The following TTN variants were observed in gnomAD, a reference collection of about 807,000 sequenced individuals.
TTN encodes the protein connectin.
A neutral mutation model predicts 3,223.0 loss-of-function variants in TTN; 1,525 were observed. That is an observed-to-expected ratio of 0.47 (90% confidence interval 0.45 to 0.49). The LOEUF (loss-of-function observed/expected upper bound fraction) is 0.49. TTN is among the 20% of genes least tolerant of loss of function. The pLI is 0.00. For missense variants in TTN, 40,786 were observed against 43,424.0 expected (o/e 0.94, Z 5.40); for synonymous variants, 14,094 against 15,161.0 (o/e 0.93, Z 5.17).
At position 178,571,721 on chromosome 2, in the gene TTN, A is replaced by G; in HGVS notation, c.74411T>C (p.Ile24804Thr). ...TGGAGGCCCTGGTTTGTCAAGAACG[A>G]TAACATTAAGGGTTTCAATAGCTTC... ...AGEAIETLNV[I>T]VLDKPGPPTG... Residue 24804 changes from isoleucine (I) to threonine (T), a missense_variant, in exon 326 of 363, where the codon ATC (isoleucine) becomes ACC (threonine). Coordinates refer to ENST00000589042, the MANE Select transcript of TTN (RefSeq NM_001267550.2). 1.2e-6 allele frequency: 2 copies of G among 1,613,530 alleles called. No individual in the cohort carries two copies. The highest frequency in any genetic ancestry group is 1.7e-6 in the Non-Finnish European group (2 of 1,179,608).
rs746378140 is a variant in TTN, at chr2:178,678,421, A to G, written c.33903T>C (p.Pro11301=). ...AGTGATGAAATTATGTACCTTTTGC[A>G]GGTGGAGCCTCCACTTTCTTAGGAG... The part of the protein sequence containing the change: ...VPAPKKVEAP[P]AKVPEVPKKL... Residue 11301 remains proline, a synonymous_variant, in exon 144 of 363, where the codon CCT becomes CCC. Transcript: ENST00000589042. 14 of 1,586,266 alleles carry G rather than the reference A, an allele frequency of 8.8e-6. No individual in the cohort carries two copies. Among genetic ancestry groups the G allele is most frequent in the Non-Finnish European group, 1.2e-5 (14 of 1,166,052 alleles).
At position 178,561,120 on chromosome 2, in the gene TTN, CACTA is replaced by C. The variant is rs869312100; in HGVS notation, c.85008_85011del (p.Glu28338HisfsTer9). On this transcript the variant is annotated frameshift_variant, in exon 326 of 363. Coordinates refer to ENST00000589042, the MANE Select transcript of TTN (RefSeq NM_001267550.2). LOFTEE classifies it high-confidence loss of function. ...ATAGGCCCAGTGGATTCAGATGGCTCACTAACTGAGTCAGCAGCATTCCTTGCAA... is the reference window on the plus strand; with the variant it reads ...ATAGGCCCAGTGGATTCAGATGGCTCACTGAGTCAGCAGCATTCCTTGCAA... 5 of 1,613,708 alleles carry C rather than the reference CACTA, an allele frequency of 3.1e-6. No individual in the cohort carries two copies. Among genetic ancestry groups the C allele is most frequent in the African/African-American group, 2.7e-5 (2 of 74,916 alleles).
rs1004548694 is a variant in TTN, at chr2:178,575,432, T to G, written c.70700A>C (p.Tyr23567Ser). 2 of 1,613,624 alleles carry G rather than the reference T, an allele frequency of 1.2e-6. No homozygotes were observed. The highest frequency in any genetic ancestry group is 1.7e-4 in the Middle Eastern group (1 of 6,056). ...KHDGGSKITG[Y>S]VIEAQRKGSD... Reference sequence around the variant, plus strand: ...GCCTTTTCTTTGGGCTTCAATCACATAGCCAGTGATCTTGCTGCCACCATC... The same window carrying G: ...GCCTTTTCTTTGGGCTTCAATCACAGAGCCAGTGATCTTGCTGCCACCATC... Residue 23567 changes from tyrosine (Y) to serine (S), a missense_variant, in exon 326 of 363, where the codon TAT becomes TCT. Transcript: ENST00000589042. The surrounding 1 kb of genome is among the most constrained non-coding windows in gnomAD (Gnocchi z 4.0).
Position 178,571,375 on chromosome 2 carries a change from CAG to C in TTN, c.74755_74756del (p.Leu24919ValfsTer12). The C allele has an allele frequency of 6.2e-7, 1 of 1,613,366 alleles. No homozygotes were observed. The highest frequency in any genetic ancestry group is 8.5e-7 in the Non-Finnish European group (1 of 1,179,556). The part of the protein sequence containing the change: ...PGPPGTPVVT[L>X]SSRDSMEVQW... Reference sequence around the variant, plus strand: ...GTACTTCCATGCTGTCCCTGGAGGACAGTGTGACAACTGGAGTGCCAGGAGGA... The same window carrying C: ...GTACTTCCATGCTGTCCCTGGAGGACTGTGACAACTGGAGTGCCAGGAGGA... On this transcript the variant is annotated frameshift_variant, in exon 326 of 363. Transcript: ENST00000589042. LOFTEE classifies it high-confidence loss of function.
Position 178,712,728 on chromosome 2 carries a change from C to G in TTN, c.27297G>C (p.Lys9099Asn). Residue 9099 changes from lysine (K) to asparagine (N), a missense_variant, in exon 94 of 363, where the codon AAG becomes AAC. Physicochemically the swap from Lys to Asn is moderately conservative, Grantham distance 94 (BLOSUM62 0). Coordinates refer to ENST00000589042, the MANE Select transcript of TTN (RefSeq NM_001267550.2). Reference sequence around the variant, plus strand: ...TGTAGAGATGTGTTGTACAAGAAGCCTTGCCAGCTTCATTGCTAACTATGC... The same window carrying G: ...TGTAGAGATGTGTTGTACAAGAAGCGTTGCCAGCTTCATTGCTAACTATGC... ...YTCIVSNEAG[K>N]ASCTTHLYIK... is the part of the protein sequence containing the mutation. 6.2e-7 allele frequency: 1 copy of G among 1,613,738 alleles called. No homozygotes were observed. The highest frequency in any genetic ancestry group is 8.5e-7 in the Non-Finnish European group (1 of 1,179,722).
At chr2:178,748,857 C>T (rs1400469957) in intron 47 of TTN, 1 of 1,612,208 alleles carries the variant, frequency 6.2e-7, no homozygotes, top group Non-Finnish European at 8.5e-7. Context: ...GACATTTTCT[C>T]TGCCTGATAC....
Position 178,536,453 on chromosome 2 carries a change from G to C in TTN, c.100294C>G (p.Arg33432Gly). Residue 33432 changes from arginine (R) to glycine (G), a missense_variant, in exon 357 of 363, where the codon CGT becomes GGT. By Grantham distance (125) the Arg-to-Gly change is moderately radical. Transcript: ENST00000589042. ...AKIRNYYLEK[R>G]EKKQNKWISV... is the part of the protein sequence containing the mutation. ...ATCCATTTATTCTGCTTCTTCTCAC[G>C]CTTCTCAAGGTAGTAATTTCTAATC... 6.2e-7 allele frequency: 1 copy of C among 1,609,624 alleles called. No homozygotes were observed. The highest frequency in any genetic ancestry group is 1.1e-5 in the South Asian group (1 of 90,510).
chr2:178,784,303 C>T lies in TTN; in HGVS notation c.2542G>A (p.Ala848Thr). 6.2e-7 allele frequency: 1 copy of T among 1,614,106 alleles called. No individual in the cohort carries two copies. The highest frequency in any genetic ancestry group is 8.5e-7 in the Non-Finnish European group (1 of 1,180,006). The change falls in exon 16 of 363, where the codon GCC becomes ACC. Residue 848 changes from alanine to threonine, a missense_variant. Transcript: ENST00000589042. ...GTGATCTTCTGAGCAGAAGATGTGGCTGACAACTCTTTTTGTAATGTGGCA... is the reference window on the plus strand; with the variant it reads ...GTGATCTTCTGAGCAGAAGATGTGGTTGACAACTCTTTTTGTAATGTGGCA... ...AIATLQKELS[A>T]TSSAQKITKS...
In TTN at chr2:178,636,575, T is replaced by C. The variant is rs562561380; in HGVS notation, c.41152A>G (p.Thr13718Ala). ...ATATTGCTACCGTCTTTCATCCAGG[T>C]TGTAATTGCAGTGGAAGGGGAGACC... is the stretch of plus-strand genomic sequence containing the variant. ...CLVSPSTAITTWMKDGSNIRE... is the reference protein window; with the variant it reads ...CLVSPSTAITAWMKDGSNIRE... Residue 13718 changes from threonine to alanine, a missense_variant, in exon 225 of 363, where the codon ACC becomes GCC. Coordinates refer to ENST00000589042, the MANE Select transcript of TTN (RefSeq NM_001267550.2). This position sits in a 1 kb window ranked among gnomAD's most constrained non-coding sequence, Gnocchi z 4.3. 6.2e-7 allele frequency: 1 copy of C among 1,613,470 alleles called. No individual in the cohort carries two copies. Among genetic ancestry groups the C allele is most frequent in the South Asian group, 1.1e-5 (1 of 91,082 alleles).
Position 178,714,343 on chromosome 2 carries a change from T to C in TTN, c.26431A>G (p.Ile8811Val), listed in dbSNP as rs1346764958. The change falls in exon 91 of 363, where the codon ATC becomes GTC. Residue 8811 changes from isoleucine (I) to valine (V), a missense_variant. Ile to Val is a conservative substitution (Grantham distance 29). Coordinates refer to ENST00000589042, the MANE Select transcript of TTN (RefSeq NM_001267550.2). ...PANAGKYTCQ[I>V]KNDAGMQECF... ...TCTTGCATCCCAGCATCGTTTTTGA[T>C]CTGACAAGTGTATTTTCCAGCATTG... is the stretch of plus-strand genomic sequence containing the variant. The C allele has an allele frequency of 2.5e-6, 4 of 1,613,762 alleles. No homozygotes were observed. Among genetic ancestry groups the C allele is most frequent in the Non-Finnish European group, 3.4e-6 (4 of 1,179,724 alleles).
chr2:178,784,180 T>C lies in TTN; in HGVS notation c.2665A>G (p.Thr889Ala). The C allele has an allele frequency of 1.2e-6, 2 of 1,614,144 alleles. No homozygotes were observed. The highest frequency in any genetic ancestry group is 1.7e-6 in the Non-Finnish European group (2 of 1,180,000). The part of the protein sequence containing the change: ...PQFPFADTPD[T>A]YKSEAGVEVK... ...TCAACGCCAGCTTCACTCTTGTAAG[T>C]ATCTGGTGTGTCAGCGAAGGGGAAC... Residue 889 changes from threonine to alanine, a missense_variant, in exon 16 of 363, where the codon ACT (threonine) becomes GCT (alanine). Coordinates refer to ENST00000589042, the MANE Select transcript of TTN (RefSeq NM_001267550.2).
chr2:178,717,397 G>A lies in TTN; in HGVS notation c.25352-15C>T. ...CACTTCATGCTCTGAAAAGAATGAA[G>A]ACCAACATGGTGATTTTTATTTCCA... On this transcript the variant is annotated splice_polypyrimidine_tract_variant and intron_variant, in intron 87 of 362. Coordinates refer to ENST00000589042, the MANE Select transcript of TTN (RefSeq NM_001267550.2). The A allele has an allele frequency of 6.3e-7, 1 of 1,593,090 alleles. No homozygotes were observed. The highest frequency in any genetic ancestry group is 8.6e-7 in the Non-Finnish European group (1 of 1,167,864).
rs1060500515 is a variant in TTN, at chr2:178,651,475, C to G, written c.39525G>C (p.Lys13175Asn). The G allele has an allele frequency of 4.3e-6, 7 of 1,611,796 alleles. No homozygotes were observed. Among genetic ancestry groups the G allele is most frequent in the Non-Finnish European group, 4.2e-6 (5 of 1,179,228 alleles). Residue 13175 changes from lysine to asparagine, a missense_variant, in exon 207 of 363, where the codon AAG becomes AAC. Physicochemically the swap from Lys to Asn is moderately conservative, Grantham distance 94. Coordinates refer to ENST00000589042, the MANE Select transcript of TTN (RefSeq NM_001267550.2). ...TACCTTTAGCAGGTGGGGCTTCTGGCTTTTTGGGAACCACCAGAGGCACCT... is the reference window on the plus strand; with the variant it reads ...TACCTTTAGCAGGTGGGGCTTCTGGGTTTTTGGGAACCACCAGAGGCACCT... ...EKKVPLVVPKKPEAPPAKVPE... is the reference protein window; with the variant it reads ...EKKVPLVVPKNPEAPPAKVPE...
At chr2:178,584,639 C>A (rs1372827280) in intron 310 of TTN, 30 bp downstream of exon 310, 3 of 1,610,140 alleles carry the variant, frequency 1.9e-6, no homozygotes, top group South Asian at 2.2e-5. Context: ...AGAAAGAAAA[C>A]AACTTTTTTT....
In TTN at chr2:178,570,447, G is replaced by C. The variant is rs749230632; in HGVS notation, c.75685C>G (p.Pro25229Ala). The C allele has an allele frequency of 3.7e-6, 6 of 1,613,174 alleles. No individual in the cohort carries two copies. Among genetic ancestry groups the C allele is most frequent in the Non-Finnish European group, 5.1e-6 (6 of 1,179,566 alleles). ...AEKCTLAWKP[P>A]LQDGGSDIIN... is the part of the protein sequence containing the mutation. ...ATGTCACTCCCACCATCCTGAAGTG[G>C]GGGTTTCCAAGCTAGTGTGCATTTT... Residue 25229 changes from proline to alanine, a missense_variant, in exon 326 of 363, where the codon CCA becomes GCA. By Grantham distance (27) the Pro-to-Ala change is conservative (BLOSUM62 -1). Coordinates refer to ENST00000589042, the MANE Select transcript of TTN (RefSeq NM_001267550.2).
chr2:178,766,254 A>G, intron 41 of TTN, 127 bp downstream of exon 41: 1 of 772,382 alleles, frequency 1.3e-6, no homozygotes, highest in South Asian at 1.5e-5. Context: ...AAAAAAATGT[A>G]GCTGGAACCA....
chr2:178,720,559 ATAC>A lies in TTN; in HGVS notation c.23200_23202del (p.Val7734del). The A allele has an allele frequency of 1.2e-6, 2 of 1,613,486 alleles. No individual in the cohort carries two copies. The highest frequency in any genetic ancestry group is 1.7e-6 in the Non-Finnish European group (2 of 1,179,592). On this transcript the variant is annotated inframe_deletion, in exon 80 of 363. Coordinates refer to ENST00000589042, the MANE Select transcript of TTN (RefSeq NM_001267550.2). ...CTAACCTGCTTTCGATCTTTAACCC[ATAC>A]TACTTCAAATGGGGGAGTTCCCGAA...
rs1414991035 is a variant in TTN, at chr2:178,592,873, T to C, written c.59246A>G (p.Asp19749Gly). 1.2e-6 allele frequency: 2 copies of C among 1,613,396 alleles called. No homozygotes were observed. The highest frequency in any genetic ancestry group is 4.5e-5 in the East Asian group (2 of 44,814). ...CACTCTAAACTTATAGGTTTGACCG[T>C]CCCGAAGACCGGTGACTTTATATTT... ...ETKYKVTGLRDGQTYKFRVLA... is the reference protein window; with the variant it reads ...ETKYKVTGLRGGQTYKFRVLA... The change falls in exon 300 of 363, where the codon GAC becomes GGC. Residue 19749 changes from aspartate to glycine, a missense_variant. Transcript: ENST00000589042.
chr2:178,613,098 AG>A lies in TTN; in HGVS notation c.49649-27del, dbSNP rs1487951624. 3 of 1,611,856 alleles carry A rather than the reference AG, an allele frequency of 1.9e-6. No individual in the cohort carries two copies. In the African/African-American group the frequency reaches 4.0e-5, roughly 22 times the overall value. ...CTGCAAGCCAATGAAATCATTGTTTAGGTTTGTCAAAAAGGAGTTCATATGA... is the reference window on the plus strand; with the variant it reads ...CTGCAAGCCAATGAAATCATTGTTTAGTTTGTCAAAAAGGAGTTCATATGA... On this transcript the variant is annotated intron_variant, in intron 264 of 362. Transcript: ENST00000589042.
Sources: allele counts gnomAD v4.1 joint callset, GRCh38; gene constraint gnomAD v4.1.1; non-coding constraint Gnocchi (gnomAD v3.1); transcripts MANE v1.5; gene names NCBI Gene and HGNC (gene_info 2026-07-23, HGNC 2026-07-21).